ARID3A: variants seen among roughly 807,000 people sequenced by gnomAD.
The protein encoded by ARID3A is AT-rich interaction domain 3A, also known as AT-rich interactive domain-containing protein 3A.
A neutral mutation model predicts 52.7 loss-of-function variants in ARID3A; 11 were observed. That is an observed-to-expected ratio of 0.21 (90% confidence interval 0.13 to 0.35). The LOEUF is 0.35. ARID3A is among the 10% of genes least tolerant of loss of function. The pLI is 1.00. For missense variants in ARID3A, 721 were observed against 838.5 expected, an observed-to-expected ratio of 0.86 and a Z score of 1.73; for synonymous variants, 404 against 359.4, an observed-to-expected ratio of 1.12 and a Z score of -1.40.
In ARID3A at chr19:942,730, A is replaced by G. The variant is rs1287865621; in HGVS notation, c.693+9988A>G. ...CCCTGGGGACCCAGGCCCCATGTCC[A>G]GAAGCCACGCTGGACATAGTGCCCA... On this transcript the variant is annotated intron_variant, in intron 3 of 8. Coordinates refer to ENST00000263620, the MANE Select transcript of ARID3A (RefSeq NM_005224.3). This position sits in a 1 kb window ranked among gnomAD's most constrained non-coding sequence, Gnocchi z 8.1. Among the ~76,000 whole-genome samples, 1 of 152,190 alleles carries G rather than the reference A, an allele frequency of 6.6e-6. No homozygotes were observed. Among genetic ancestry groups the G allele is most frequent in the Non-Finnish European group, 1.5e-5 (1 of 68,032 alleles).
In ARID3A at chr19:973,081, G is replaced by A; in HGVS notation, c.*1016G>A. 6.2e-6 allele frequency: 1 copy of A among 162,208 alleles called. No individual in the cohort carries two copies. 10.0% of individuals were successfully genotyped at this position (162,208 alleles called of 1,614,324 possible). On this transcript the variant is annotated 3_prime_UTR_variant, in exon 9 of 9. Transcript: ENST00000263620. The stretch of plus-strand genomic sequence containing the variant: ...TGCTTGTGCCGTGCTTGTCTGCTGG[G>A]CTCTCGAGTCAGGGGCCTGGAAATT...
chr19:957,088 C>A (rs777556280), intron 3 of ARID3A, among the ~76,000 whole-genome samples: 10 of 138,808 alleles, frequency 7.2e-5, no homozygotes, highest in African/African-American at 2.5e-4. Context: ...GGCTTTCCCC[C>A]ACCCTGCCCG....
At chr19:934,318 G>A (rs544365642) in intron 3 of ARID3A, among the ~76,000 whole-genome samples, 23 of 152,288 alleles carry the variant, frequency 1.5e-4, no homozygotes, top group Admixed American at 7.8e-4. Flanking sequence ...GCCCAAAGCC[G>A]ATGGGGGAGT....
intron 2 of ARID3A, among the ~76,000 whole-genome samples, chr19:930,289 C>T (rs544285033): frequency 2.0e-5 from 3 of 151,974 alleles, no homozygotes; most frequent in East Asian, 2.0e-4. Flanking sequence ...CTGTGGCTTA[C>T]GCCCGTAATC....
intron 1 of ARID3A, among the ~76,000 whole-genome samples, chr19:926,650 C>T (rs1319807662): frequency 1.3e-5 from 2 of 151,464 alleles, no homozygotes; most frequent in African/African-American, 2.4e-5. Flanking sequence ...CAGAGAGGGG[C>T]CCCCGGGGGA....
chr19:970,498 C>CT (rs1177419405), intron 8 of ARID3A, among the ~76,000 whole-genome samples: 1,166 of 88,372 alleles, frequency 0.013, 49 homozygotes, highest in African/African-American at 0.017. Context: ...AATAGTTTTT[C>CT]TTTTTTTTTT....
chr19:964,804 G>A lies in ARID3A; in HGVS notation c.951-29G>A. 1 of 1,603,638 alleles carries A rather than the reference G, an allele frequency of 6.2e-7. No homozygotes were observed. Among genetic ancestry groups the A allele is most frequent in the South Asian group, 1.1e-5 (1 of 90,434 alleles). On this transcript the variant is annotated intron_variant, in intron 5 of 8. Coordinates refer to ENST00000263620, the MANE Select transcript of ARID3A (RefSeq NM_005224.3). The surrounding 1 kb of genome is among the most constrained non-coding windows in gnomAD (Gnocchi z 5.7). Reference sequence around the variant, plus strand: ...AGAGAGCCGTAGGGGTGACCCGGGTGCCATCCTCTTCCCTCGTCCCACCCA... The same window carrying A: ...AGAGAGCCGTAGGGGTGACCCGGGTACCATCCTCTTCCCTCGTCCCACCCA...
intron 2 of ARID3A, among the ~76,000 whole-genome samples, chr19:930,924 C>A (rs2037314388): frequency 6.6e-6 from 1 of 152,160 alleles, no homozygotes; most frequent in South Asian, 2.1e-4. Flanking sequence ...CGTGTGGGTC[C>A]CCCCAGGGCT....
chr19:947,822 G>A lies in ARID3A; in HGVS notation c.694-12270G>A, dbSNP rs1044380062. ...CCATCAGGGCCGGGGGAGTGGAGCC[G>A]GCAGATGTTCGGCCCTGCCCAGAAT... On this transcript the variant is annotated intron_variant, in intron 3 of 8. Transcript: ENST00000263620. This position sits in a 1 kb window ranked among gnomAD's most constrained non-coding sequence, Gnocchi z 6.3. 3.3e-5 allele frequency among the ~76,000 whole-genome samples: 5 copies of A among 152,226 alleles called. No individual in the cohort carries two copies. The highest frequency in any genetic ancestry group is 7.3e-5 in the Non-Finnish European group (5 of 68,032).
At position 964,023 on chromosome 19, in the gene ARID3A, G is replaced by C. The variant is rs2038095843; in HGVS notation, c.767-225G>C. Reference sequence around the variant, plus strand: ...CTGTCCCTAAGCCCAGGTTACTGGTGGATAAACCGAGGCAGAGCTGCCCCC... The same window carrying C: ...CTGTCCCTAAGCCCAGGTTACTGGTCGATAAACCGAGGCAGAGCTGCCCCC... On this transcript the variant is annotated intron_variant, in intron 4 of 8. Transcript: ENST00000263620. The surrounding 1 kb of genome is among the most constrained non-coding windows in gnomAD (Gnocchi z 5.7). Among the ~76,000 whole-genome samples the C allele has an allele frequency of 6.6e-6, 1 of 152,212 alleles. No homozygotes were observed. The highest frequency in any genetic ancestry group is 2.4e-5 in the African/African-American group (1 of 41,456).
At chr19:953,638 A>AG (rs1411909453) in intron 3 of ARID3A, among the ~76,000 whole-genome samples, 1 of 151,276 alleles carries the variant, frequency 6.6e-6, no homozygotes, top group African/African-American at 2.4e-5. Flanking sequence ...TCAGAGGCTG[A>AG]GGGGGGCTGT....
chr19:946,225 G>T (rs902510172), intron 3 of ARID3A, among the ~76,000 whole-genome samples: 9 of 151,502 alleles, frequency 5.9e-5, no homozygotes, highest in Non-Finnish European at 4.4e-5. Flanking sequence ...TTATTTTTTT[G>T]TTTTTTTTAC....
At chr19:967,849 A>G (rs1232468516) in intron 7 of ARID3A, among the ~76,000 whole-genome samples, 2 of 151,622 alleles carry the variant, frequency 1.3e-5, no homozygotes, top group East Asian at 1.9e-4. Context: ...CTTCAAGACC[A>G]GCCTGGCCAA....
intron 3 of ARID3A, among the ~76,000 whole-genome samples, chr19:957,441 C>T (rs138194716): frequency 8.5e-5 from 13 of 152,332 alleles, no homozygotes; most frequent in African/African-American, 2.4e-4. Flanking sequence ...GGAACAAATG[C>T]GCTCCCGTCC....
chr19:939,174 A>G (rs2037495372), intron 3 of ARID3A, among the ~76,000 whole-genome samples: 1 of 151,822 alleles, frequency 6.6e-6, no homozygotes, highest in East Asian at 1.9e-4. Flanking sequence ...CCTGGAATGC[A>G]GTGGCGCCAT....
chr19:934,069 T>C (rs548892523), intron 3 of ARID3A, among the ~76,000 whole-genome samples: 7 of 152,236 alleles, frequency 4.6e-5, no homozygotes, highest in African/African-American at 1.7e-4. Flanking sequence ...TTAATTTAAT[T>C]CACCAATTAA....
At chr19:969,558 A>AT in intron 8 of ARID3A, among the ~76,000 whole-genome samples, 1 of 151,742 alleles carries the variant, frequency 6.6e-6, no homozygotes. Flanking sequence ...ATATATCTAT[A>AT]TATAGATATA....
Position 929,384 on chromosome 19 carries a change from CACCCTGCACTG to C in ARID3A, c.-144_-134del. On this transcript the variant is annotated 5_prime_UTR_variant, in exon 2 of 9. Coordinates refer to ENST00000263620, the MANE Select transcript of ARID3A (RefSeq NM_005224.3). This position sits in a 1 kb window ranked among gnomAD's most constrained non-coding sequence, Gnocchi z 6.2. The stretch of plus-strand genomic sequence containing the variant: ...GGCGGCCCCCGCCCCCGCCCCCTGC[CACCCTGCACTG>C]CCCCGGCTCCCCCGCGGCCCCCACG... The C allele has an allele frequency of 5.4e-6, 4 of 738,544 alleles. No individual in the cohort carries two copies. The highest frequency in any genetic ancestry group is 7.0e-6 in the Non-Finnish European group (4 of 572,198). 45.7% of individuals were successfully genotyped at this position (738,544 alleles called of 1,614,324 possible).
rs148553619 is a variant in ARID3A, at chr19:938,583, G to C, written c.693+5841G>C. Among the ~76,000 whole-genome samples, 2 of 152,356 alleles carry C rather than the reference G, an allele frequency of 1.3e-5. No homozygotes were observed. The highest frequency in any genetic ancestry group is 2.9e-5 in the Non-Finnish European group (2 of 68,036). The stretch of plus-strand genomic sequence containing the variant: ...GGTGGGACGGTTTTGGGGAAGCTCA[G>C]CTGCCCCTCCGTTTTTCTTTTTGTC... On this transcript the variant is annotated intron_variant, in intron 3 of 8. Coordinates refer to ENST00000263620, the MANE Select transcript of ARID3A (RefSeq NM_005224.3). The surrounding 1 kb of genome is among the most constrained non-coding windows in gnomAD (Gnocchi z 4.0).
Sources: allele counts gnomAD v4.1 joint callset (sites outside exome capture counted in the v4.1 genomes callset), GRCh38; gene constraint gnomAD v4.1.1; non-coding constraint Gnocchi (gnomAD v3.1); transcripts MANE v1.5; gene names NCBI Gene and HGNC (gene_info 2026-07-23, HGNC 2026-07-21).